Variants in ZBTB7A observed in about 807,000 individuals in gnomAD.
ZBTB7A encodes zinc finger and BTB domain containing 7A.
Under a neutral mutation model 26.7 loss-of-function variants are expected in ZBTB7A, and 7 were observed. That is an observed-to-expected ratio of 0.26 (90% CI 0.15 to 0.49). The LOEUF (loss-of-function observed/expected upper bound fraction) is 0.49, where lower values mean the gene tolerates loss of function less well. Among genes scored for constraint, ZBTB7A ranks in the 20% least tolerant of loss-of-function variants. The probability of loss-of-function intolerance (pLI) is 0.98; values close to 1 mark genes in which losing one functional copy is unlikely to be tolerated. For synonymous variants in ZBTB7A, 452 were observed against 441.0 expected (o/e 1.02, Z -0.31); for missense variants, 617 against 919.5 (o/e 0.67, Z 4.25).
rs529289384 is a variant in ZBTB7A at position 4,062,956 on chromosome 19, C to T, written c.-16+3726G>A. 1.2e-4 allele frequency among the ~76,000 whole-genome samples: 18 copies of T among 152,236 alleles called. No individual in the cohort carries two copies. The South Asian group carries it at 1.9e-3, about 16-fold the overall frequency. ...GAGGCTGGCAGAGGGGGAGTGACTG[C>T]TGGGGTGGACCCAAGGGCTGGGCTA... On this transcript the variant is annotated intron_variant, in intron 1 of 2. Coordinates refer to ENST00000322357, the MANE Select transcript of ZBTB7A (RefSeq NM_015898.4).
At chr19:4,053,492 T>G (rs946197572) in intron 2 of ZBTB7A, among the ~76,000 whole-genome samples, 1 of 112,846 alleles carries the variant, frequency 8.9e-6, no homozygotes, top group African/African-American at 5.0e-5. Flanking sequence ...TGCATCTGTG[T>G]GCGTGCCTGG....
chr19:4,066,546 C>A (rs1189051631), intron 1 of ZBTB7A, 136 bp downstream of exon 1: 4 of 151,990 alleles, frequency 2.6e-5, no homozygotes, highest in Admixed American at 2.0e-4. Context: ...GCCAACCACC[C>A]CTTCCTCTGA....
In ZBTB7A at chr19:4,055,001, C is replaced by T; in HGVS notation, c.232G>A (p.Asp78Asn). 1 of 1,611,666 alleles carries T rather than the reference C, an allele frequency of 6.2e-7. No homozygotes were observed. Among genetic ancestry groups the T allele is most frequent in the African/African-American group, 1.3e-5 (1 of 75,022 alleles). ...VVDQQNVYEI[D>N]FVSAEALTAL... ...GTGAGCGCCTCGGCGCTGACGAAGTCGATCTCGTACACGTTCTGCTGGTCC... is the reference window on the plus strand; with the variant it reads ...GTGAGCGCCTCGGCGCTGACGAAGTTGATCTCGTACACGTTCTGCTGGTCC... The change falls in exon 2 of 3, where the codon GAC (aspartate) becomes AAC (asparagine). Residue 78 changes from aspartate (D) to asparagine (N), a missense_variant. Around this residue, in one of 5 missense-constraint regions of ZBTB7A, gnomAD observed 82 missense variants for 195.2 expected, o/e 0.42. Transcript: ENST00000322357.
rs2040373384 is a variant in ZBTB7A, at chr19:4,043,702, CTCCACCCCCT to C, written c.*4040_*4049del. Among the ~76,000 whole-genome samples the C allele has an allele frequency of 1.1e-5, 1 of 90,078 alleles. No homozygotes were observed. Among genetic ancestry groups the C allele is most frequent in the African/African-American group, 5.9e-5 (1 of 16,946 alleles). 59.1% of individuals were successfully genotyped at this position (90,078 alleles called of 152,430 possible). On this transcript the variant is annotated 3_prime_UTR_variant, in exon 3 of 3. Transcript: ENST00000322357. ...GAGGGATGGGGGTCTCCCTGGCCCCCTCCACCCCCTGGGCCCGGCCCCCCCCCCCCCCCCC... is the reference window on the plus strand; with the variant it reads ...GAGGGATGGGGGTCTCCCTGGCCCCCGGGCCCGGCCCCCCCCCCCCCCCCC...
At position 4,054,459 on chromosome 19, in the gene ZBTB7A, C is replaced by T. The variant is rs2040548343; in HGVS notation, c.774G>A (p.Pro258=). ...TGGCGGCCGGCGGGGCCACCGGCGG[C>T]GGAAAGAGACCCCCGGTGGGGGCGT... is the stretch of plus-strand genomic sequence containing the variant. ...DEDAPTGGLF[P]PPVAPPAATQ... The change falls in exon 2 of 3, where the codon CCG becomes CCA. Residue 258 remains proline, a synonymous_variant. Coordinates refer to ENST00000322357, the MANE Select transcript of ZBTB7A (RefSeq NM_015898.4). 1.5e-6 allele frequency: 2 copies of T among 1,361,054 alleles called. No homozygotes were observed. Among genetic ancestry groups the T allele is most frequent in the Non-Finnish European group, 1.9e-6 (2 of 1,064,520 alleles). 84.3% of individuals were successfully genotyped at this position (1,361,054 alleles called of 1,614,324 possible).
intron 1 of ZBTB7A, among the ~76,000 whole-genome samples, chr19:4,063,724 G>T (rs2040662607): frequency 1.3e-5 from 2 of 152,308 alleles, no homozygotes; most frequent in Middle Eastern, 6.8e-3. Context: ...CCACACAGTG[G>T]GAGGGGACTT....
Position 4,046,448 on chromosome 19 carries a change from T to TG in ZBTB7A, c.*1303_*1304insC, listed in dbSNP as rs1345990236. 1.1e-3 allele frequency: 143 copies of TG among 134,080 alleles called. 1 individual carries two copies. The highest frequency in any genetic ancestry group is 2.0e-3 in the Non-Finnish European group (122 of 60,860). The allele number at this position is 134,080 out of a possible 1,614,324, so 8.3% of individuals were successfully genotyped here. On this transcript the variant is annotated 3_prime_UTR_variant, in exon 3 of 3. Transcript: ENST00000322357. ...TCTCGCTCGCTTTTTTTTTTTTTTTTTGTCTTTTCAACTTTTCATAGAAGT... is the reference window on the plus strand; with the variant it reads ...TCTCGCTCGCTTTTTTTTTTTTTTTTGTGTCTTTTCAACTTTTCATAGAAGT...
rs1267778375 is a variant in ZBTB7A at position 4,045,563 on chromosome 19, T to C, written c.*2189A>G. ...ATTGCCTTCTTAAAAAGCTTCCCTT[T>C]AACAATGAAAGAAAAAGAGACGAGA... On this transcript the variant is annotated 3_prime_UTR_variant, in exon 3 of 3. Coordinates refer to ENST00000322357, the MANE Select transcript of ZBTB7A (RefSeq NM_015898.4). The surrounding 1 kb of genome is among the most constrained non-coding windows in gnomAD (Gnocchi z 4.1). 1 of 176,018 alleles carries C rather than the reference T, an allele frequency of 5.7e-6. No homozygotes were observed. Among genetic ancestry groups the C allele is most frequent in the Non-Finnish European group, 1.0e-5 (1 of 98,674 alleles). 10.9% of individuals were successfully genotyped at this position (176,018 alleles called of 1,614,324 possible). A position where few individuals can be genotyped will look rare whatever the true frequency, so the allele number is the denominator to read the frequency against.
At position 4,047,781 on chromosome 19, in the gene ZBTB7A, CGGTGGCGGCCCCGGG is replaced by C; in HGVS notation, c.1711_1725del (p.Pro571_Thr575del). On this transcript the variant is annotated inframe_deletion, in exon 3 of 3. Coordinates refer to ENST00000322357, the MANE Select transcript of ZBTB7A (RefSeq NM_015898.4). ...GCGAGTCCGGCTGTGAAGTTACCGT[CGGTGGCGGCCCCGGG>C]GCCACCTCCGCTGTCACCTCCTCCA... The C allele has an allele frequency of 6.3e-7, 1 of 1,599,822 alleles. No individual in the cohort carries two copies. Among genetic ancestry groups the C allele is most frequent in the Non-Finnish European group, 8.5e-7 (1 of 1,173,942 alleles).
chr19:4,064,883 G>C (rs1230543369), intron 1 of ZBTB7A, among the ~76,000 whole-genome samples: 1 of 152,100 alleles, frequency 6.6e-6, no homozygotes, highest in Non-Finnish European at 1.5e-5. Context: ...GGCGCCGACT[G>C]GGTGTCCGGG....
At chr19:4,062,861 C>T (rs142112044) in intron 1 of ZBTB7A, 35 of 152,304 alleles carry the variant, frequency 2.3e-4, no homozygotes, top group Middle Eastern at 3.4e-3. Context: ...CCCAATGAGC[C>T]GCTGAGCGAA....
Position 4,047,727 on chromosome 19 carries a change from G to A in ZBTB7A, c.*25C>T. On this transcript the variant is annotated 3_prime_UTR_variant, in exon 3 of 3. Coordinates refer to ENST00000322357, the MANE Select transcript of ZBTB7A (RefSeq NM_015898.4). ...TCTCTCTCTGTCTCTCTCTTTCTCG[G>A]GTTTCTGTTTTCTCTTTTTGGTTTT... is the stretch of plus-strand genomic sequence containing the variant. 1 of 1,582,370 alleles carries A rather than the reference G, an allele frequency of 6.3e-7. No individual in the cohort carries two copies. The highest frequency in any genetic ancestry group is 8.6e-7 in the Non-Finnish European group (1 of 1,166,698).
At chr19:4,063,442 G>A (rs181807437) in intron 1 of ZBTB7A, among the ~76,000 whole-genome samples, 81 of 152,356 alleles carry the variant, frequency 5.3e-4, no homozygotes, top group African/African-American at 1.8e-3. Flanking sequence ...AAGGTGAGAC[G>A]AGTTTGTGGC....
Position 4,048,919 on chromosome 19 carries a change from A to G in ZBTB7A, c.1263-675T>C, listed in dbSNP as rs1442011889. On this transcript the variant is annotated intron_variant, in intron 2 of 2. Coordinates refer to ENST00000322357, the MANE Select transcript of ZBTB7A (RefSeq NM_015898.4). The surrounding 1 kb of genome is among the most constrained non-coding windows in gnomAD (Gnocchi z 6.7). The stretch of plus-strand genomic sequence containing the variant: ...CAGCTACTTGGGAGGTGGAGGTTGC[A>G]GTGAGCCCAGATCACGCCACTGCCC... Among the ~76,000 whole-genome samples the G allele has an allele frequency of 6.7e-6, 1 of 149,796 alleles. No homozygotes were observed. Among genetic ancestry groups the G allele is most frequent in the East Asian group, 2.0e-4 (1 of 4,974 alleles).
intron 2 of ZBTB7A, 67 bp downstream of exon 2, chr19:4,053,904 G>A: frequency 6.6e-7 from 1 of 1,511,642 alleles, no homozygotes; most frequent in Non-Finnish European, 8.8e-7. Flanking sequence ...AGAGGCGGGA[G>A]GGGTCGTGAG....
chr19:4,053,534 T>G (rs2040528645), intron 2 of ZBTB7A, among the ~76,000 whole-genome samples: 1 of 138,558 alleles, frequency 7.2e-6, no homozygotes, highest in Non-Finnish European at 1.6e-5. Flanking sequence ...CGTGCGTGCA[T>G]GTGTATGTGA....
intron 2 of ZBTB7A, among the ~76,000 whole-genome samples, 195 bp downstream of exon 2, chr19:4,053,774 ATG>A (rs750463247): frequency 7.5e-5 from 11 of 146,164 alleles, no homozygotes; most frequent in East Asian, 4.3e-4. Context: ...AAGTGCGTGT[ATG>A]TGTGTCTGCG....
At position 4,052,029 on chromosome 19, in the gene ZBTB7A, G is replaced by A. The variant is rs1599252322; in HGVS notation, c.1262+1942C>T. Reference sequence around the variant, plus strand: ...AGGTGCTGGTGTCCTGGGGAGGGGGGACCAGAGCACGGGGTGGGGGAAAAG... The same window carrying A: ...AGGTGCTGGTGTCCTGGGGAGGGGGAACCAGAGCACGGGGTGGGGGAAAAG... On this transcript the variant is annotated intron_variant, in intron 2 of 2. Coordinates refer to ENST00000322357, the MANE Select transcript of ZBTB7A (RefSeq NM_015898.4). This position sits in a 1 kb window ranked among gnomAD's most constrained non-coding sequence, Gnocchi z 4.9. 6.6e-6 allele frequency among the ~76,000 whole-genome samples: 1 copy of A among 151,172 alleles called. No homozygotes were observed. Among genetic ancestry groups the A allele is most frequent in the Non-Finnish European group, 1.5e-5 (1 of 67,716 alleles).
rs939910900 is a variant in ZBTB7A at position 4,059,439 on chromosome 19, C to T, written c.-15-4192G>A. Among the ~76,000 whole-genome samples, 181 of 152,284 alleles carry T rather than the reference C, an allele frequency of 1.2e-3. 1 individual carries two copies. Among genetic ancestry groups the T allele is most frequent in the African/African-American group, 4.3e-3 (178 of 41,572 alleles). ...GACCCTCTCTTGGGCCCCTGTTCCC[C>T]CCTAAATATCACTGAGGCCCTCCCT... is the stretch of plus-strand genomic sequence containing the variant. On this transcript the variant is annotated intron_variant, in intron 1 of 2. Transcript: ENST00000322357.
Sources: gnomAD v4.1 joint callset for allele counts (sites outside exome capture counted in the v4.1 genomes callset) on GRCh38, gnomAD v4.1.1 for gene constraint, gnomAD v4.1.1 regional missense constraint, Gnocchi (gnomAD v3.1) non-coding constraint, MANE v1.5 for transcripts, NCBI Gene and HGNC (gene_info 2026-07-23, HGNC 2026-07-21) for gene names.